PCDH15: variants seen among roughly 807,000 people sequenced by gnomAD.
PCDH15 encodes protocadherin related 15, also known as protocadherin-15.
A neutral mutation model predicts 178.5 loss-of-function variants in PCDH15; 129 were observed. The ratio of observed to expected loss-of-function variants is 0.72; its 90% CI spans 0.63 to 0.84. The LOEUF is 0.84. Among genes scored for constraint, PCDH15 ranks in the 40% least tolerant of loss-of-function variants. PCDH15 has a pLI of 0.00. For synonymous variants in PCDH15, 800 were observed against 732.0 expected, an observed-to-expected ratio of 1.09 and a Z score of -1.50; for missense variants, 2,230 against 2,099.9, an observed-to-expected ratio of 1.06 and a Z score of -1.21.
intron 3 of PCDH15, among the ~76,000 whole-genome samples, chr10:54,501,160 C>A (rs2080645119): frequency 6.6e-6 from 1 of 151,572 alleles, no homozygotes; most frequent in Admixed American, 6.6e-5. Context: ...GTACAGCAAA[C>A]TACCATGGCG....
intron 2 of PCDH15, among the ~76,000 whole-genome samples, chr10:54,546,509 A>T (rs74638577): frequency 0.014 from 2,116 of 152,144 alleles, 42 homozygotes; most frequent in African/African-American, 0.048. Context: ...TGTCCTTTGC[A>T]TTTTTATAAG....
intron 3 of PCDH15, among the ~76,000 whole-genome samples, chr10:54,806,633 G>A (rs1353571959): frequency 2.6e-5 from 4 of 151,800 alleles, no homozygotes; most frequent in Admixed American, 6.6e-5. Context: ...ACAGGCACCC[G>A]CCACTATACC....
intron 3 of PCDH15, among the ~76,000 whole-genome samples, chr10:54,872,673 C>T (rs1954060179): frequency 6.6e-6 from 1 of 151,954 alleles, no homozygotes; most frequent in South Asian, 2.1e-4. Context: ...CCATGATTTC[C>T]TCATCAACAG....
rs571202608 is a variant in PCDH15, at chr10:54,738,226, G to A, written c.-29+62699C>T. On this transcript the variant is annotated intron_variant, in intron 1 of 37. Coordinates refer to ENST00000644397, the MANE Select transcript of PCDH15 (RefSeq NM_001384140.1). Reference sequence around the variant, plus strand: ...CATTGAGGATTTTGAGCAGATAAATGTATAGCTTGATTTAGGTTTATAAAA... The same window carrying A: ...CATTGAGGATTTTGAGCAGATAAATATATAGCTTGATTTAGGTTTATAAAA... Among the ~76,000 whole-genome samples, 4 of 152,242 alleles carry A rather than the reference G, an allele frequency of 2.6e-5. No individual in the cohort carries two copies. In the South Asian group the frequency reaches 6.2e-4, roughly 24 times the overall value.
chr10:54,484,069 A>C (rs1014613339), intron 3 of PCDH15, among the ~76,000 whole-genome samples: 1 of 151,854 alleles, frequency 6.6e-6, no homozygotes, highest in Admixed American at 6.6e-5. Flanking sequence ...TTGCCACTTT[A>C]AGGAGGAAAA....
intron 2 of PCDH15, among the ~76,000 whole-genome samples, chr10:55,460,325 T>C (rs1839647348): frequency 6.6e-6 from 1 of 152,022 alleles, no homozygotes; most frequent in Non-Finnish European, 1.5e-5. Flanking sequence ...GGTGAGACTA[T>C]GGAAGCACAT....
At chr10:54,946,041 C>T (rs748168637) in intron 2 of PCDH15, among the ~76,000 whole-genome samples, 9 of 151,754 alleles carry the variant, frequency 5.9e-5, no homozygotes, top group Non-Finnish European at 1.3e-4. Flanking sequence ...CCTTTGCTTG[C>T]TCATTATCTC....
chr10:55,553,041 G>A (rs1021050355), intron 2 of PCDH15, among the ~76,000 whole-genome samples: 10 of 151,630 alleles, frequency 6.6e-5, no homozygotes, highest in African/African-American at 2.4e-4. Context: ...CTTACACAGA[G>A]TACACATGAA....
At chr10:54,118,920 T>C (rs895178484) in intron 15 of PCDH15, among the ~76,000 whole-genome samples, 2 of 151,962 alleles carry the variant, frequency 1.3e-5, no homozygotes, top group African/African-American at 4.8e-5. Context: ...ATACCCCAGA[T>C]CCTGGAGAGG....
intron 2 of PCDH15, among the ~76,000 whole-genome samples, chr10:54,605,330 T>C (rs2092699246): frequency 6.6e-6 from 1 of 152,064 alleles, no homozygotes; most frequent in Non-Finnish European, 1.5e-5. Context: ...ACAAGTCTAG[T>C]GGCAATAAAC....
intron 2 of PCDH15, among the ~76,000 whole-genome samples, chr10:55,328,618 T>C (rs1844100335): frequency 6.6e-6 from 1 of 151,606 alleles, no homozygotes; most frequent in African/African-American, 2.4e-5. Context: ...TGGTTCCATA[T>C]ATGAGGATTC....
At chr10:53,855,905 T>TATATATATA (rs2078698930) in intron 28 of PCDH15, among the ~76,000 whole-genome samples, 1 of 54,486 alleles carries the variant, frequency 1.8e-5, no homozygotes, top group Admixed American at 1.5e-4. Flanking sequence ...AGGTGATATG[T>TATATATATA]ATATATATAT....
chr10:54,238,988 G>C (rs1202520141), intron 8 of PCDH15, among the ~76,000 whole-genome samples: 1 of 152,054 alleles, frequency 6.6e-6, no homozygotes, highest in Admixed American at 6.6e-5. Flanking sequence ...CAAATCTGAG[G>C]ATTTTCTGCA....
Position 54,469,551 on chromosome 10 carries a change from AGGGCCATCAGGT to A in PCDH15, c.157+58249_157+58260del, listed in dbSNP as rs199947410. On this transcript the variant is annotated intron_variant, in intron 3 of 37. Transcript: ENST00000644397. ...GTGGTGGTGAAGTCTTGCTGGGGAC[AGGGCCATCAGGT>A]GGGCCAGTCTTTGGCCCCCATTGGC... is the stretch of plus-strand genomic sequence containing the variant. Among the ~76,000 whole-genome samples, 995 of 151,598 alleles carry A rather than the reference AGGGCCATCAGGT, an allele frequency of 6.6e-3. 9 individuals carry two copies. The highest frequency in any genetic ancestry group is 0.023 in the African/African-American group (920 of 40,884).
At chr10:54,048,923 G>C (rs1038115505) in intron 18 of PCDH15, among the ~76,000 whole-genome samples, 9 of 151,260 alleles carry the variant, frequency 6.0e-5, no homozygotes, top group East Asian at 1.9e-4. Flanking sequence ...CTGGTAGTTT[G>C]ATAGGAGTAG....
rs182638720 is a variant in PCDH15 at position 54,935,969 on chromosome 10, C to T, written c.-79-38469G>A. Reference sequence around the variant, plus strand: ...GTGAATTCACAGAGGTTTGCAACCACCACTGCAATAAATTCTCATAACATT... The same window carrying T: ...GTGAATTCACAGAGGTTTGCAACCATCACTGCAATAAATTCTCATAACATT... On this transcript the variant is annotated intron_variant, in intron 2 of 5. Transcript: ENST00000458638. Among the ~76,000 whole-genome samples, 56 of 152,182 alleles carry T rather than the reference C, an allele frequency of 3.7e-4. 1 individual carries two copies. The East Asian group carries it at 9.3e-3, about 25-fold the overall frequency.
At chr10:55,192,886 T>C (rs1346801333) in intron 1 of PCDH15, among the ~76,000 whole-genome samples, 5 of 151,420 alleles carry the variant, frequency 3.3e-5, no homozygotes. Flanking sequence ...TATACATATA[T>C]AATCTGTTTA....
chr10:55,600,853 C>T (rs746550142), intron 2 of PCDH15, among the ~76,000 whole-genome samples: 1 of 151,970 alleles, frequency 6.6e-6, no homozygotes, highest in Non-Finnish European at 1.5e-5. Flanking sequence ...CATTGCCCTT[C>T]TCCTTTTTTA....
At chr10:55,270,054 G>T in intron 1 of PCDH15, among the ~76,000 whole-genome samples, 1 of 152,126 alleles carries the variant, frequency 6.6e-6, no homozygotes, top group Non-Finnish European at 1.5e-5. Flanking sequence ...TTCAATAAAT[G>T]GTCCTGGGTT....
Sources: gnomAD v4.1 joint callset for allele counts (sites outside exome capture counted in the v4.1 genomes callset) on GRCh38, gnomAD v4.1.1 for gene constraint, MANE v1.5 for transcripts, NCBI Gene and HGNC (gene_info 2026-07-23, HGNC 2026-07-21) for gene names.